The following ALDH7A1 variants were observed in gnomAD, a reference collection of about 807,000 sequenced individuals.
ALDH7A1 encodes the protein alpha-aminoadipic semialdehyde dehydrogenase.
Under a neutral mutation model 79.9 loss-of-function variants are expected in ALDH7A1, and 63 were observed. The ratio of observed to expected loss-of-function variants is 0.79; its 90% CI spans 0.64 to 0.97. The LOEUF (loss-of-function observed/expected upper bound fraction) is 0.97. Ranked by LOEUF, ALDH7A1 falls within the 50% of genes least tolerant of loss-of-function variation. The pLI is 0.00. For synonymous variants in ALDH7A1, 240 were observed against 231.2 expected (o/e 1.04, Z -0.34); for missense variants, 627 against 665.2 (o/e 0.94, Z 0.63).
At chr5:126,565,832 T>G (rs1750563855) in intron 9 of ALDH7A1, among the ~76,000 whole-genome samples, 2 of 152,244 alleles carry the variant, frequency 1.3e-5, no homozygotes. Flanking sequence ...CAGTACCATT[T>G]GTTAAAAAGA....
At position 126,544,813 on chromosome 5, in the gene ALDH7A1, T is replaced by G. The variant is rs1437177601; in HGVS notation, c.*152A>C. The G allele has an allele frequency of 1.1e-5, 7 of 659,446 alleles. No homozygotes were observed. Among genetic ancestry groups the G allele is most frequent in the Non-Finnish European group, 1.9e-5 (7 of 372,216 alleles). The allele number at this position is 659,446 out of a possible 1,614,324, so 40.8% of individuals were successfully genotyped here. A position where few individuals can be genotyped will look rare whatever the true frequency, so the allele number is the denominator to read the frequency against. ...TTTGATTTTTAAAAAAGGAATCTCT[T>G]GATTTAATCAGGGCTTTGGGGTCAT... is the stretch of plus-strand genomic sequence containing the variant. On this transcript the variant is annotated 3_prime_UTR_variant, in exon 18 of 18. Coordinates refer to ENST00000409134, the MANE Select transcript of ALDH7A1 (RefSeq NM_001182.5).
intron 9 of ALDH7A1, among the ~76,000 whole-genome samples, chr5:126,565,892 T>G (rs1010757055): frequency 3.9e-5 from 6 of 152,254 alleles, no homozygotes; most frequent in Non-Finnish European, 7.3e-5. Flanking sequence ...CAACTGACCA[T>G]AAATACAAGG....
At chr5:126,577,036 T>C in intron 6 of ALDH7A1, 43 bp downstream of exon 6, 1 of 1,612,604 alleles carries the variant, frequency 6.2e-7, no homozygotes, top group Non-Finnish European at 8.5e-7. Context: ...GAAATGGCTA[T>C]TTTTATCACT....
At chr5:126,549,329 T>C (rs1561648382) in intron 16 of ALDH7A1, among the ~76,000 whole-genome samples, 1 of 152,116 alleles carries the variant, frequency 6.6e-6, no homozygotes, top group Non-Finnish European at 1.5e-5. Context: ...TTAATGCATG[T>C]TTGTTTTGCT....
At position 126,550,205 on chromosome 5, in the gene ALDH7A1, C is replaced by T. The variant is rs147940248; in HGVS notation, c.1406G>A (p.Arg469His). ...IFTKDLGRIF[R>H]WLGPKGSDCG... ...ATAGACAAAGTTGTACCCAAGCCAG[C>T]GAAAGATTCTGCCCAGATCTTTGGT... The change falls in exon 15 of 18, where the codon CGC (arginine) becomes CAC (histidine). Residue 469 changes from arginine (R) to histidine (H), a missense_variant. Physicochemically the swap from Arg to His is conservative, Grantham distance 29. Coordinates refer to ENST00000409134, the MANE Select transcript of ALDH7A1 (RefSeq NM_001182.5). The T allele has an allele frequency of 5.1e-4, 817 of 1,612,490 alleles. No homozygotes were observed. Among genetic ancestry groups the T allele is most frequent in the Non-Finnish European group, 5.4e-4 (633 of 1,179,716 alleles).
At chr5:126,586,200 T>C (rs571691955) in intron 3 of ALDH7A1, 9 of 152,360 alleles carry the variant, frequency 5.9e-5, no homozygotes, top group African/African-American at 1.9e-4. Context: ...ATGTTTGCAA[T>C]GTCTGTCATT....
At chr5:126,571,887 C>A (rs534551909) in intron 7 of ALDH7A1, among the ~76,000 whole-genome samples, 22 of 152,138 alleles carry the variant, frequency 1.4e-4, no homozygotes, top group Non-Finnish European at 3.1e-4. Context: ...CCCTGCAGAA[C>A]CCTGAAAGAG....
chr5:126,555,482 CAAAAAAAAA>C (rs762878623), intron 12 of ALDH7A1: 65 of 75,200 alleles, frequency 8.6e-4, no homozygotes, highest in Non-Finnish European at 4.5e-4. Context: ...AACTGTGTCT[CAAAAAAAAA>C]AAAAAAAAAA....
intron 11 of ALDH7A1, among the ~76,000 whole-genome samples, chr5:126,557,188 A>C (rs1750223946): frequency 1.3e-5 from 2 of 152,248 alleles, no homozygotes; most frequent in South Asian, 4.1e-4. Context: ...CAAATTTAAT[A>C]AACTTTAAAG....
chr5:126,555,765 G>A (rs1327222897), intron 12 of ALDH7A1, among the ~76,000 whole-genome samples, 166 bp downstream of exon 12: 4 of 152,072 alleles, frequency 2.6e-5, no homozygotes, highest in Non-Finnish European at 5.9e-5. Context: ...AAGCAGCCAG[G>A]GTCGAAACCT....
intron 4 of ALDH7A1, 141 bp downstream of exon 4, chr5:126,583,791 G>C: frequency 1.4e-6 from 1 of 695,276 alleles, no homozygotes; most frequent in African/African-American, 1.8e-5. Context: ...AGTGAGCCAA[G>C]ATTTTACCAC....
At position 126,577,191 on chromosome 5, in the gene ALDH7A1, C is replaced by A; in HGVS notation, c.538G>T (p.Glu180Ter). The A allele has an allele frequency of 6.2e-7, 1 of 1,614,124 alleles. No individual in the cohort carries two copies. The highest frequency in any genetic ancestry group is 8.5e-7 in the Non-Finnish European group (1 of 1,180,036). Residue 180 changes from glutamate to a stop codon, truncating the protein, a stop_gained, in exon 6 of 18, where the codon GAG becomes TAG. Coordinates refer to ENST00000409134, the MANE Select transcript of ALDH7A1 (RefSeq NM_001182.5). LOFTEE classifies it high-confidence loss of function. ...ACCAGGCCTACGGGATTCCACTGCT[C>A]AATCAGTGCATGGCCAGATCCTGAG... ...PSERSGHALI[E>*]QWNPVGLVGI... is the part of the protein sequence containing the mutation.
intron 9 of ALDH7A1, among the ~76,000 whole-genome samples, chr5:126,567,048 C>G (rs1208943737): frequency 6.6e-6 from 1 of 152,202 alleles, no homozygotes; most frequent in African/African-American, 2.4e-5. Context: ...TTATACTGGT[C>G]CAAGCACACA....
At chr5:126,562,417 C>T (rs796692265) in intron 9 of ALDH7A1, 8 of 151,946 alleles carry the variant, frequency 5.3e-5, no homozygotes, top group African/African-American at 1.9e-4. Context: ...TGGCATGTTG[C>T]CCAGGCCGGT....
chr5:126,570,575 G>T, intron 8 of ALDH7A1: 1 of 578,754 alleles, frequency 1.7e-6, no homozygotes. Flanking sequence ...AGTACCTCTG[G>T]GCAATTAAAA....
At chr5:126,571,152 T>A (rs906878958) in intron 7 of ALDH7A1, 45 of 91,198 alleles carry the variant, frequency 4.9e-4, no homozygotes, top group Non-Finnish European at 7.6e-4. Flanking sequence ...ATTAGCAGAT[T>A]TTTTTTTTTT....
chr5:126,585,351 C>A (rs1286107298), intron 3 of ALDH7A1, among the ~76,000 whole-genome samples: 4 of 152,044 alleles, frequency 2.6e-5, no homozygotes, highest in Admixed American at 2.0e-4. Context: ...ATGAAACCTT[C>A]CCCCAGGCAG....
chr5:126,592,541 C>G (rs1751585975), intron 3 of ALDH7A1, 123 bp downstream of exon 3: 1 of 952,068 alleles, frequency 1.1e-6, no homozygotes, highest in East Asian at 2.6e-5. Flanking sequence ...AGTATCACAG[C>G]CCCCAAGGAG....
chr5:126,549,745 T>A, intron 16 of ALDH7A1, 184 bp downstream of exon 16: 1 of 660,668 alleles, frequency 1.5e-6, no homozygotes, highest in Non-Finnish European at 2.7e-6. Flanking sequence ...TCTGAGGAGA[T>A]GACGCAGGAC....
Sources: gnomAD v4.1 joint callset for allele counts (sites outside exome capture counted in the v4.1 genomes callset) on GRCh38, gnomAD v4.1.1 for gene constraint, MANE v1.5 for transcripts, NCBI Gene and HGNC (gene_info 2026-07-23, HGNC 2026-07-21) for gene names.